CALN1: variants seen among roughly 807,000 people sequenced by gnomAD.
CALN1 encodes the protein calneuron 1, also known as calcium-binding protein 8.
Under a neutral mutation model 30.6 loss-of-function variants are expected in CALN1, and 17 were observed. The observed-to-expected ratio is 0.56, with a 90% CI of 0.38 to 0.83. CALN1 has a LOEUF of 0.83. Ranked by LOEUF, CALN1 falls within the 40% of genes least tolerant of loss-of-function variation. CALN1 has a pLI of 0.00. For synonymous variants in CALN1, 156 were observed against 131.4 expected (o/e 1.19, Z -1.28); for missense variants, 291 against 354.9 (o/e 0.82, Z 1.45).
intron 2 of CALN1, among the ~76,000 whole-genome samples, chr7:72,284,926 C>A (rs968694110): frequency 6.6e-6 from 1 of 152,026 alleles, no homozygotes; most frequent in Non-Finnish European, 1.5e-5. Flanking sequence ...CACATTAATG[C>A]ACCTTCCTTT....
Position 71,882,866 on chromosome 7 carries a change from G to C in CALN1, c.502-72374C>G, listed in dbSNP as rs112472872. Among the ~76,000 whole-genome samples, 1,094 of 147,210 alleles carry C rather than the reference G, an allele frequency of 7.4e-3. 11 individuals carry two copies. The highest frequency in any genetic ancestry group is 0.027 in the African/African-American group (1,017 of 38,122). ...CCATCTAATTTGTGTGTGTGTGTGT[G>C]TGTGTGTGTGTGTGTGTGTGTGTGT... is the stretch of plus-strand genomic sequence containing the variant. On this transcript the variant is annotated intron_variant, in intron 5 of 6. Coordinates refer to ENST00000395275, the MANE Select transcript of CALN1 (RefSeq NM_031468.4).
chr7:72,148,866 T>C (rs1249931638), intron 3 of CALN1, among the ~76,000 whole-genome samples: 3 of 147,042 alleles, frequency 2.0e-5, no homozygotes, highest in Non-Finnish European at 3.0e-5. Flanking sequence ...ATCATACCAC[T>C]GCACTCCAGG....
At chr7:72,036,171 A>G (rs1801785475) in intron 4 of CALN1, among the ~76,000 whole-genome samples, 1 of 152,224 alleles carries the variant, frequency 6.6e-6, no homozygotes, top group African/African-American at 2.4e-5. Flanking sequence ...ATATCAGCCC[A>G]CTGCCTTCTG....
intron 2 of CALN1, among the ~76,000 whole-genome samples, chr7:72,330,131 A>G (rs1801563607): frequency 6.6e-6 from 1 of 151,992 alleles, no homozygotes; most frequent in African/African-American, 2.4e-5. Context: ...CGTCTCTACT[A>G]AAAATACAAA....
At chr7:71,991,271 C>T (rs1260807270) in intron 5 of CALN1, among the ~76,000 whole-genome samples, 2 of 152,116 alleles carry the variant, frequency 1.3e-5, no homozygotes. Flanking sequence ...CCAGCTTGGC[C>T]AACGTGGTGA....
chr7:72,369,190 A>G (rs1432514247), intron 2 of CALN1, among the ~76,000 whole-genome samples: 1 of 151,748 alleles, frequency 6.6e-6, no homozygotes, highest in African/African-American at 2.4e-5. Context: ...TGTACAATTT[A>G]TAAGTTGATA....
chr7:72,308,372 GGAGAGAGAGAGAGAGA>G (rs150660773), intron 2 of CALN1, among the ~76,000 whole-genome samples: 13,078 of 92,894 alleles, frequency 0.14, 1,727 homozygotes, highest in East Asian at 0.62. Context: ...TGTGGGGGGG[GGAGAGAGAGAGAGAGA>G]GAGAGAGAGA....
At chr7:72,280,111 A>C (rs909255342) in intron 2 of CALN1, among the ~76,000 whole-genome samples, 2 of 152,190 alleles carry the variant, frequency 1.3e-5, no homozygotes, top group African/African-American at 4.8e-5. Flanking sequence ...TTCCACCCGG[A>C]TGTCAAACCC....
chr7:72,405,565 GCT>G (rs554414586), intron 1 of CALN1, among the ~76,000 whole-genome samples: 5 of 152,112 alleles, frequency 3.3e-5, no homozygotes, highest in Admixed American at 6.5e-5. Flanking sequence ...CCCGTACGCC[GCT>G]CTCTTACACA....
intron 4 of CALN1, among the ~76,000 whole-genome samples, chr7:72,073,088 CAT>C (rs979868804): frequency 2.0e-5 from 3 of 152,152 alleles, no homozygotes; most frequent in African/African-American, 4.8e-5. Context: ...GAAATTCTGA[CAT>C]GTGCTACAAT....
intron 3 of CALN1, among the ~76,000 whole-genome samples, chr7:72,277,646 G>C (rs368430915): frequency 2.0e-5 from 3 of 152,148 alleles, no homozygotes; most frequent in African/African-American, 7.2e-5. Context: ...AGAAGGAGAA[G>C]CTATTCAATG....
At chr7:72,039,908 C>T (rs1234458444) in intron 4 of CALN1, among the ~76,000 whole-genome samples, 1 of 152,160 alleles carries the variant, frequency 6.6e-6, no homozygotes, top group African/African-American at 2.4e-5. Flanking sequence ...CCAAAGCCAG[C>T]CCTCTCCTGC....
At chr7:72,049,326 G>A (rs1207351477) in intron 4 of CALN1, among the ~76,000 whole-genome samples, 1 of 152,146 alleles carries the variant, frequency 6.6e-6, no homozygotes, top group African/African-American at 2.4e-5. Context: ...AAAGACAAAA[G>A]GATCCGAGAA....
At chr7:72,218,225 G>A (rs1053439638) in intron 3 of CALN1, among the ~76,000 whole-genome samples, 2 of 151,518 alleles carry the variant, frequency 1.3e-5, no homozygotes, top group Non-Finnish European at 2.9e-5. Flanking sequence ...GAGGCAGGCG[G>A]ATCACCAGGT....
chr7:72,458,017 A>G, the CALN1 span, among the ~76,000 whole-genome samples: 5 of 150,046 alleles, frequency 3.3e-5, no homozygotes, highest in Non-Finnish European at 7.4e-5. Flanking sequence ...TTGGCTTCCC[A>G]AAATCCAGGG....
intron 2 of CALN1, among the ~76,000 whole-genome samples, chr7:72,316,081 G>A (rs1246250069): frequency 6.6e-6 from 1 of 151,924 alleles, no homozygotes; most frequent in Non-Finnish European, 1.5e-5. Context: ...AACCCAGGAG[G>A]TGGAGTTTGC....
At chr7:72,258,364 G>C (rs1796057345) in intron 3 of CALN1, among the ~76,000 whole-genome samples, 1 of 152,112 alleles carries the variant, frequency 6.6e-6, no homozygotes, top group Non-Finnish European at 1.5e-5. Context: ...GATTTGTGTG[G>C]CCAGGAGCCA....
intron 5 of CALN1, among the ~76,000 whole-genome samples, chr7:71,952,737 G>A (rs1796758017): frequency 1.3e-5 from 2 of 151,992 alleles, no homozygotes; most frequent in Admixed American, 1.3e-4. Context: ...TGCACAATCT[G>A]CTGAATTCTT....
At chr7:72,468,473 C>A in the CALN1 span, among the ~76,000 whole-genome samples, 1 of 152,118 alleles carries the variant, frequency 6.6e-6, no homozygotes. Context: ...GCCAACACTA[C>A]CGGTTAATTT....
Sources: gnomAD v4.1 joint callset for allele counts (sites outside exome capture counted in the v4.1 genomes callset) on GRCh38, gnomAD v4.1.1 for gene constraint, MANE v1.5 for transcripts, NCBI Gene and HGNC (gene_info 2026-07-23, HGNC 2026-07-21) for gene names.